The following MYCL variants were observed in gnomAD, a reference collection of about 807,000 sequenced individuals.
MYCL encodes the protein MYCL proto-oncogene, bHLH transcription factor.
MYCL carries 11 observed loss-of-function variants against 31.0 expected under a neutral mutation model. The ratio of observed to expected loss-of-function variants is 0.35; its 90% CI spans 0.22 to 0.59. The LOEUF is 0.59. Ranked by LOEUF, MYCL falls within the 20% of genes least tolerant of loss-of-function variation. The probability of loss-of-function intolerance (pLI) is 0.79; values close to 1 mark genes in which losing one functional copy is unlikely to be tolerated. For missense variants in MYCL, 427 were observed against 486.1 expected, an observed-to-expected ratio of 0.88 and a Z score of 1.14; for synonymous variants, 208 against 202.4, an observed-to-expected ratio of 1.03 and a Z score of -0.23.
In MYCL at chr1:39,897,666, G is replaced by A. The variant is rs374101979; in HGVS notation, c.801C>T (p.Ser267=). 3.7e-6 allele frequency: 6 copies of A among 1,614,206 alleles called. No individual in the cohort carries two copies. In the African/African-American group the frequency reaches 6.7e-5, roughly 18 times the overall value. ...PPPVESEAAQ[S]CHPKPVSSDT... is the part of the protein sequence containing the mutation. ...CAGAACTGACAGGTTTGGGGTGGCAGGACTGGGCAGCCTCACTTTCTACAG... is the reference window on the plus strand; with the variant it reads ...CAGAACTGACAGGTTTGGGGTGGCAAGACTGGGCAGCCTCACTTTCTACAG... Residue 267 remains serine (S), a synonymous_variant, in exon 2 of 2, where the codon TCC becomes TCT. Transcript: ENST00000372816. The surrounding 1 kb of genome is among the most constrained non-coding windows in gnomAD (Gnocchi z 4.3).
rs1009830844 is a variant in MYCL, at chr1:39,897,742, G to A, written c.725C>T (p.Ala242Val). ...CTCCTCATCTTCCTTTTCCCCTGCAGCATCTCTCTCCAGAACCTCTTCTTG... is the reference window on the plus strand; with the variant it reads ...CTCCTCATCTTCCTTTTCCCCTGCAACATCTCTCTCCAGAACCTCTTCTTG... ...GPQEEVLERDAAGEKEDEEDE... is the reference protein window; with the variant it reads ...GPQEEVLERDVAGEKEDEEDE... The change falls in exon 2 of 2, where the codon GCT (alanine) becomes GTT (valine). Residue 242 changes from alanine (A) to valine (V), a missense_variant. By Grantham distance (64) the Ala-to-Val change is moderately conservative. Coordinates refer to ENST00000372816, the MANE Select transcript of MYCL (RefSeq NM_001033081.3). The surrounding 1 kb of genome is among the most constrained non-coding windows in gnomAD (Gnocchi z 4.3). 1.2e-6 allele frequency: 2 copies of A among 1,614,144 alleles called. No homozygotes were observed. The highest frequency in any genetic ancestry group is 1.1e-5 in the South Asian group (1 of 91,082).
Position 39,901,750 on chromosome 1 carries a change from C to G in MYCL, c.-316G>C. On this transcript the variant is annotated 5_prime_UTR_variant, in exon 1 of 2. Transcript: ENST00000372816. This position sits in a 1 kb window ranked among gnomAD's most constrained non-coding sequence, Gnocchi z 6.9. Reference sequence around the variant, plus strand: ...GGGCGCGCCGTGCCCAGAAGGCAGCCTGCAGCCAGCCCGCACCGCGGGACC... The same window carrying G: ...GGGCGCGCCGTGCCCAGAAGGCAGCGTGCAGCCAGCCCGCACCGCGGGACC... 1 of 1,215,506 alleles carries G rather than the reference C, an allele frequency of 8.2e-7. No individual in the cohort carries two copies. Among genetic ancestry groups the G allele is most frequent in the Non-Finnish European group, 1.0e-6 (1 of 978,780 alleles). 75.3% of individuals were successfully genotyped at this position (1,215,506 alleles called of 1,614,324 possible).
At chr1:39,900,854 G>C (rs994456191) in intron 1 of MYCL, 85 bp downstream of exon 1, 18 of 1,512,482 alleles carry the variant, frequency 1.2e-5, no homozygotes, top group Non-Finnish European at 8.8e-7. Flanking sequence ...AGCTTGAGAA[G>C]AGCCAATGCC....
chr1:39,898,783 T>G (rs1644507135), intron 1 of MYCL: 3 of 985,470 alleles, frequency 3.0e-6, no homozygotes, highest in Non-Finnish European at 3.6e-6. Context: ...ATGTCCCAGA[T>G]ATGGGGCTCA....
At chr1:39,899,886 C>G in intron 1 of MYCL, 1 of 985,416 alleles carries the variant, frequency 1.0e-6, no homozygotes, top group Non-Finnish European at 1.2e-6. Flanking sequence ...TTATTTGTCA[C>G]TAGCCACAGT....
At chr1:39,900,901 G>A in intron 1 of MYCL, 38 bp downstream of exon 1, 8 of 1,507,328 alleles carry the variant, frequency 5.3e-6, no homozygotes, top group Non-Finnish European at 6.2e-6. Flanking sequence ...GCCACCCATG[G>A]GGTGGCCCCC....
chr1:39,898,906 C>G, intron 1 of MYCL: 1 of 985,468 alleles, frequency 1.0e-6, no homozygotes, highest in Non-Finnish European at 1.2e-6. Context: ...TCTCCTCCTG[C>G]TCCACACATT....
At position 39,896,419 on chromosome 1, in the gene MYCL, G is replaced by T. The variant is rs559966776; in HGVS notation, c.*953C>A. 3 of 207,386 alleles carry T rather than the reference G, an allele frequency of 1.4e-5. No homozygotes were observed. The highest frequency in any genetic ancestry group is 6.8e-5 in the African/African-American group (3 of 43,802). 12.8% of individuals were successfully genotyped at this position (207,386 alleles called of 1,614,324 possible). A position where few individuals can be genotyped will look rare whatever the true frequency, so the allele number is the denominator to read the frequency against. The stretch of plus-strand genomic sequence containing the variant: ...CAGGTGGGAAAGAGGCAGCAGTACA[G>T]TTCTCCCTCTGAGGTGTCTTACACC... On this transcript the variant is annotated 3_prime_UTR_variant, in exon 2 of 2. Coordinates refer to ENST00000372816, the MANE Select transcript of MYCL (RefSeq NM_001033081.3).
chr1:39,900,755 A>G (rs1204064761), intron 1 of MYCL, 184 bp downstream of exon 1: 1 of 1,413,858 alleles, frequency 7.1e-7, no homozygotes, highest in African/African-American at 1.5e-5. Flanking sequence ...ACTTTTCCAA[A>G]CTGTTTACCA....
intron 1 of MYCL, chr1:39,898,213 G>A (rs1644502140): frequency 1.7e-6 from 1 of 571,808 alleles, no homozygotes; most frequent in Middle Eastern, 5.0e-4. Flanking sequence ...TGCACAGCAA[G>A]GCTTAGATAA....
rs1644496784 is a variant in MYCL, at chr1:39,897,760, T to C, written c.707A>G (p.Glu236Gly). 1.2e-6 allele frequency: 2 copies of C among 1,614,074 alleles called. No homozygotes were observed. The highest frequency in any genetic ancestry group is 2.7e-5 in the African/African-American group (2 of 74,986). Reference sequence around the variant, plus strand: ...CCCTGCAGCATCTCTCTCCAGAACCTCTTCTTGGGGACCCCTCTCTGAAGC... The same window carrying C: ...CCCTGCAGCATCTCTCTCCAGAACCCCTTCTTGGGGACCCCTCTCTGAAGC... ...EEASERGPQE[E>G]VLERDAAGEK... is the part of the protein sequence containing the mutation. The change falls in exon 2 of 2, where the codon GAG becomes GGG. Residue 236 changes from glutamate (E) to glycine (G), a missense_variant. By Grantham distance (98) the Glu-to-Gly change is moderately conservative. Transcript: ENST00000372816. The surrounding 1 kb of genome is among the most constrained non-coding windows in gnomAD (Gnocchi z 4.3).
chr1:39,898,121 G>C, intron 1 of MYCL, 151 bp from the exon 2 acceptor site: 1 of 1,163,270 alleles, frequency 8.6e-7, no homozygotes, highest in Non-Finnish European at 1.2e-6. Context: ...GCAGAAAGCT[G>C]ATTCATTTGT....
intron 1 of MYCL, chr1:39,898,188 T>A: frequency 1.5e-6 from 1 of 646,940 alleles, no homozygotes. Context: ...AGGAAAATAT[T>A]CTCCAATTTC....
In MYCL at chr1:39,901,004, G is replaced by A. The variant is rs1432125997; in HGVS notation, c.431C>T (p.Ala144Val). ...CTTGGGTTCGCCCAGCGGACAGGGG[G>A]CGGCGGGCGCCGGGTTGCCGGCTTC... ...SLEAGNPAPAAPCPLGEPKTQ... is the reference protein window; with the variant it reads ...SLEAGNPAPAVPCPLGEPKTQ... The change falls in exon 1 of 2, where the codon GCC (alanine) becomes GTC (valine). Residue 144 changes from alanine (A) to valine (V), a missense_variant. Ala to Val is a moderately conservative substitution (Grantham distance 64). Coordinates refer to ENST00000372816, the MANE Select transcript of MYCL (RefSeq NM_001033081.3). The surrounding 1 kb of genome is among the most constrained non-coding windows in gnomAD (Gnocchi z 6.9). 6 of 1,488,700 alleles carry A rather than the reference G, an allele frequency of 4.0e-6. No individual in the cohort carries two copies. Among genetic ancestry groups the A allele is most frequent in the South Asian group, 1.4e-5 (1 of 73,992 alleles). 92.2% of individuals were successfully genotyped at this position (1,488,700 alleles called of 1,614,324 possible).
Position 39,901,528 on chromosome 1 carries a change from C to G in MYCL, c.-94G>C. The G allele has an allele frequency of 1.3e-6, 2 of 1,512,246 alleles. No homozygotes were observed. Among genetic ancestry groups the G allele is most frequent in the Non-Finnish European group, 1.8e-6 (2 of 1,142,654 alleles). The allele number at this position is 1,512,246 out of a possible 1,614,324, so 93.7% of individuals were successfully genotyped here. A position where few individuals can be genotyped will look rare whatever the true frequency, so the allele number is the denominator to read the frequency against. On this transcript the variant is annotated 5_prime_UTR_variant, in exon 1 of 2. Coordinates refer to ENST00000372816, the MANE Select transcript of MYCL (RefSeq NM_001033081.3). The surrounding 1 kb of genome is among the most constrained non-coding windows in gnomAD (Gnocchi z 6.9). Reference sequence around the variant, plus strand: ...CGGGTCCCTCGGCACAGTCGGCTGCCGGGCTCTCGTTCCTCCCCAACCCCA... The same window carrying G: ...CGGGTCCCTCGGCACAGTCGGCTGCGGGGCTCTCGTTCCTCCCCAACCCCA...
At chr1:39,899,797 AC>A in intron 1 of MYCL, 1 of 985,292 alleles carries the variant, frequency 1.0e-6, no homozygotes, top group South Asian at 4.7e-5. Flanking sequence ...AAACTTCCAT[AC>A]CCCATTCCCC....
intron 1 of MYCL, chr1:39,899,227 T>C (rs76626987): frequency 2.8e-6 from 1 of 351,962 alleles, no homozygotes; most frequent in Non-Finnish European, 4.0e-6. Context: ...TGTTGCATTT[T>C]GTTCCAGGCC....
chr1:39,899,935 G>T (rs1368255582), intron 1 of MYCL: 1 of 985,260 alleles, frequency 1.0e-6, no homozygotes. Flanking sequence ...GATTTCTCAC[G>T]GGTGTGGAGG....
At position 39,895,636 on chromosome 1, in the gene MYCL, A is replaced by T. The variant is rs1448842902; in HGVS notation, c.*1736T>A. On this transcript the variant is annotated 3_prime_UTR_variant, in exon 2 of 2. Coordinates refer to ENST00000372816, the MANE Select transcript of MYCL (RefSeq NM_001033081.3). ...CAAAAGGCATACAAAAATACAATAT[A>T]AAAAAAAAAGACTCCCCCAGCATAA... The T allele has an allele frequency of 2.1e-5, 4 of 189,510 alleles. No homozygotes were observed. The highest frequency in any genetic ancestry group is 3.3e-5 in the Non-Finnish European group (3 of 91,826). The allele number at this position is 189,510 out of a possible 1,614,324, so 11.7% of individuals were successfully genotyped here.
Sources: gnomAD v4.1 joint callset for allele counts on GRCh38, gnomAD v4.1.1 for gene constraint, Gnocchi (gnomAD v3.1) non-coding constraint, MANE v1.5 for transcripts, NCBI Gene and HGNC (gene_info 2026-07-23, HGNC 2026-07-21) for gene names.